Variants in MYT1L observed in about 807,000 individuals in gnomAD.
MYT1L encodes the protein myelin transcription factor 1-like protein.
Under a neutral mutation model 126.7 loss-of-function variants are expected in MYT1L, and 12 were observed. The observed-to-expected ratio is 0.09, with a 90% CI of 0.06 to 0.15. The LOEUF is 0.15. Ranked by LOEUF, MYT1L falls within the 10% of genes least tolerant of loss-of-function variation. The pLI is 1.00. For synonymous variants in MYT1L, 541 were observed against 604.2 expected (o/e 0.90, Z 1.53); for missense variants, 979 against 1,585.2 (o/e 0.62, Z 6.49).
chr2:1,955,232 T>C (rs920940591), intron 8 of MYT1L, among the ~76,000 whole-genome samples: 5 of 151,626 alleles, frequency 3.3e-5, no homozygotes, highest in African/African-American at 7.3e-5. Context: ...TGGCTAAAGA[T>C]GCCCCTTCTT....
At chr2:2,040,274 C>T (rs897656606) in intron 4 of MYT1L, among the ~76,000 whole-genome samples, 8 of 152,166 alleles carry the variant, frequency 5.3e-5, no homozygotes, top group African/African-American at 1.2e-4. Context: ...TGAATTTCTA[C>T]GTGTGCCCAA....
At chr2:2,168,303 G>A (rs929257063) in intron 3 of MYT1L, among the ~76,000 whole-genome samples, 3 of 152,160 alleles carry the variant, frequency 2.0e-5, no homozygotes, top group South Asian at 2.1e-4. Flanking sequence ...AGAGTACTAC[G>A]TGTGCATGCT....
At chr2:1,862,969 ACT>A (rs1348721623) in intron 18 of MYT1L, among the ~76,000 whole-genome samples, 2 of 151,878 alleles carry the variant, frequency 1.3e-5, no homozygotes, top group East Asian at 1.9e-4. Context: ...GATCCTGGAG[ACT>A]CTGGTGTCCA....
chr2:1,928,165 C>T (rs1199038006), intron 9 of MYT1L, among the ~76,000 whole-genome samples: 1 of 152,184 alleles, frequency 6.6e-6, no homozygotes, highest in Non-Finnish European at 1.5e-5. Context: ...GTTGCCCAGG[C>T]TCGTCTCAAA....
chr2:1,945,283 C>T (rs542167675), intron 8 of MYT1L, among the ~76,000 whole-genome samples: 4 of 152,228 alleles, frequency 2.6e-5, no homozygotes, highest in East Asian at 1.9e-4. Context: ...TGGATAGGTG[C>T]GAAGCGGAGG....
rs370631283 is a variant in MYT1L at position 2,008,165 on chromosome 2, C to T, written c.-157-10818G>A. ...AGTGCACAGGGGGACCTTTCCCACACCCTGTGATTGTATCCTAGTCAGTTG... is the reference window on the plus strand; with the variant it reads ...AGTGCACAGGGGGACCTTTCCCACATCCTGTGATTGTATCCTAGTCAGTTG... On this transcript the variant is annotated intron_variant, in intron 4 of 24. Coordinates refer to ENST00000647738, the MANE Select transcript of MYT1L (RefSeq NM_001303052.2). 4.6e-5 allele frequency among the ~76,000 whole-genome samples: 7 copies of T among 152,326 alleles called. No individual in the cohort carries two copies. In the South Asian group the frequency reaches 1.4e-3, roughly 32 times the overall value.
At chr2:1,844,222 C>T (rs1017133562) in intron 19 of MYT1L, among the ~76,000 whole-genome samples, 1 of 152,186 alleles carries the variant, frequency 6.6e-6, no homozygotes, top group African/African-American at 2.4e-5. Context: ...CCCTTCAGCA[C>T]TGAACACCCC....
chr2:1,799,309 G>C (rs545103025), intron 23 of MYT1L, among the ~76,000 whole-genome samples: 7 of 152,190 alleles, frequency 4.6e-5, no homozygotes, highest in Non-Finnish European at 8.8e-5. Context: ...GGCCACGCCC[G>C]TGCAGGTGCA....
chr2:1,928,497 T>A (rs2054521613), intron 9 of MYT1L, among the ~76,000 whole-genome samples: 2 of 152,128 alleles, frequency 1.3e-5, no homozygotes, highest in South Asian at 4.1e-4. Flanking sequence ...CAGTGTTGCC[T>A]CCACTTCCAG....
At chr2:2,020,719 A>C (rs17338575) in intron 4 of MYT1L, among the ~76,000 whole-genome samples, 319 of 152,240 alleles carry the variant, frequency 2.1e-3, no homozygotes, top group Non-Finnish European at 3.7e-3. Context: ...ACTTACATTC[A>C]TCAGTCTTTT....
intron 4 of MYT1L, among the ~76,000 whole-genome samples, chr2:2,033,669 A>C (rs1360018640): frequency 6.6e-6 from 1 of 152,206 alleles, no homozygotes. Flanking sequence ...AGGTCATTAC[A>C]TTCTAATAGA....
At chr2:1,965,266 G>C (rs2059257131) in intron 8 of MYT1L, among the ~76,000 whole-genome samples, 1 of 149,860 alleles carries the variant, frequency 6.7e-6, no homozygotes, top group Non-Finnish European at 1.5e-5. Context: ...GCAGGGAAGA[G>C]GGGGACCCAG....
chr2:1,842,356 G>A (rs570907170), intron 19 of MYT1L: 1 of 152,594 alleles, frequency 6.6e-6, no homozygotes, highest in Non-Finnish European at 1.5e-5. Flanking sequence ...TGTCTGGGCA[G>A]AAAGGAGGTT....
chr2:1,891,969 C>T (rs1314365325), intron 15 of MYT1L, 68 bp downstream of exon 15: 9 of 1,446,072 alleles, frequency 6.2e-6, no homozygotes, highest in Non-Finnish European at 7.2e-6. Flanking sequence ...CCGCGTGTCT[C>T]GGTGGCTGGG....
rs1349816288 is a variant in MYT1L at position 2,002,388 on chromosome 2, G to A, written c.-157-5041C>T. ...TCTATGATACCAGTTGTAAAGTACA[G>A]TTGGGTATCTCTCAGTTTCATGTAG... On this transcript the variant is annotated intron_variant, in intron 4 of 24. Transcript: ENST00000647738. Among the ~76,000 whole-genome samples, 5 of 152,338 alleles carry A rather than the reference G, an allele frequency of 3.3e-5. No individual in the cohort carries two copies. The South Asian group carries it at 8.3e-4, about 25-fold the overall frequency.
chr2:1,954,102 C>T (rs2058122910), intron 8 of MYT1L, among the ~76,000 whole-genome samples: 1 of 152,192 alleles, frequency 6.6e-6, no homozygotes, highest in African/African-American at 2.4e-5. Flanking sequence ...TTGAAAATCA[C>T]TTAATCCATC....
chr2:1,877,957 A>G (rs1311273410), intron 18 of MYT1L, among the ~76,000 whole-genome samples: 1 of 152,250 alleles, frequency 6.6e-6, no homozygotes, highest in African/African-American at 2.4e-5. Context: ...TCGAAGATAC[A>G]GGTGGAAACA....
At chr2:2,282,227 A>G (rs562709083) in intron 2 of MYT1L, among the ~76,000 whole-genome samples, 10 of 152,378 alleles carry the variant, frequency 6.6e-5, no homozygotes, top group Middle Eastern at 3.4e-3. Context: ...TGCCTCACAC[A>G]GTGTATTGCA....
At chr2:2,253,041 G>C (rs17039465) in intron 2 of MYT1L, among the ~76,000 whole-genome samples, 2,401 of 151,714 alleles carry the variant, frequency 0.016, 63 homozygotes, top group African/African-American at 0.056. Flanking sequence ...TCTTAGGCAA[G>C]TTTTTCTGCA....
Sources: gnomAD v4.1 joint callset for allele counts (sites outside exome capture counted in the v4.1 genomes callset) on GRCh38, gnomAD v4.1.1 for gene constraint, MANE v1.5 for transcripts, NCBI Gene and HGNC (gene_info 2026-07-23, HGNC 2026-07-21) for gene names.